The following DNAH7 variants were observed in gnomAD, a reference collection of about 807,000 sequenced individuals.
DNAH7 encodes axonemal beta dynein heavy chain 7.
Under a neutral mutation model 444.6 loss-of-function variants are expected in DNAH7, and 397 were observed. The observed-to-expected ratio is 0.89, with a 90% confidence interval of 0.82 to 0.97. The LOEUF is 0.97. Among genes scored for constraint, DNAH7 ranks in the 50% least tolerant of loss-of-function variants. The pLI is 0.00. For missense variants in DNAH7, 4,902 were observed against 4,800.8 expected, an observed-to-expected ratio of 1.02 and a Z score of -0.62; for synonymous variants, 1,636 against 1,624.4, an observed-to-expected ratio of 1.01 and a Z score of -0.17.
chr2:195,966,789 C>T (rs1411752068), intron 17 of DNAH7, among the ~76,000 whole-genome samples: 1 of 152,102 alleles, frequency 6.6e-6, no homozygotes, highest in Admixed American at 6.5e-5. Context: ...TTCCCATTGG[C>T]ATGGAATATA....
chr2:195,972,349 T>A lies in DNAH7; in HGVS notation c.1951A>T (p.Arg651Trp). The A allele has an allele frequency of 1.9e-6, 3 of 1,614,136 alleles. No individual in the cohort carries two copies. Among genetic ancestry groups the A allele is most frequent in the Non-Finnish European group, 2.5e-6 (3 of 1,180,014 alleles). Reference protein sequence around the residue: ...EYVNFSPADMRLNNSVFQWYG... With the variant: ...EYVNFSPADMWLNNSVFQWYG... ...CACTGGAAAACACTATTATTTAGCC[T>A]CATGTCTGCTGGAGAAAAGTTGACA... is the stretch of plus-strand genomic sequence containing the variant. The change falls in exon 16 of 65, where the codon AGG (arginine) becomes TGG (tryptophan). Residue 651 changes from arginine to tryptophan, a missense_variant. Arg to Trp is a moderately radical substitution (Grantham distance 101). Transcript: ENST00000312428.
intron 42 of DNAH7, 34 bp downstream of exon 42, chr2:195,861,683 T>A: frequency 6.7e-7 from 1 of 1,488,950 alleles, no homozygotes; most frequent in Non-Finnish European, 9.3e-7. Flanking sequence ...TTAATTGCCA[T>A]AGCTTACTTA....
intron 19 of DNAH7, 135 bp from the exon 20 acceptor site, chr2:195,936,927 T>A: frequency 1.3e-6 from 1 of 741,916 alleles, no homozygotes; most frequent in Non-Finnish European, 2.0e-6. Context: ...ATTTGTTTTT[T>A]AAAAGTAGTC....
chr2:196,012,278 C>T (rs947371728), intron 10 of DNAH7, among the ~76,000 whole-genome samples: 1 of 152,102 alleles, frequency 6.6e-6, no homozygotes, highest in Non-Finnish European at 1.5e-5. Context: ...TCATATGTGG[C>T]TATTCCATTC....
At chr2:195,847,954 G>A (rs183988884) in intron 46 of DNAH7, among the ~76,000 whole-genome samples, 2 of 152,160 alleles carry the variant, frequency 1.3e-5, no homozygotes, top group Non-Finnish European at 2.9e-5. Flanking sequence ...GCCAAGGTTC[G>A]TGTTCAGAAA....
chr2:195,796,808 A>C, intron 55 of DNAH7, 71 bp from the exon 56 acceptor site: 2 of 1,493,620 alleles, frequency 1.3e-6, no homozygotes, highest in Non-Finnish European at 1.8e-6. Context: ...TTTTTTTAAA[A>C]GTTAACATTG....
chr2:195,749,644 A>C (rs369184067), intron 63 of DNAH7, among the ~76,000 whole-genome samples: 1 of 151,438 alleles, frequency 6.6e-6, no homozygotes, highest in Non-Finnish European at 1.5e-5. Flanking sequence ...ATGGAATACT[A>C]TGCAGCCATA....
chr2:195,957,246 G>A lies in DNAH7; in HGVS notation c.3078+15C>T, dbSNP rs748414316. 3.4e-6 allele frequency: 5 copies of A among 1,472,994 alleles called. No homozygotes were observed. The South Asian group carries it at 4.3e-5, about 13-fold the overall frequency. 91.2% of individuals were successfully genotyped at this position (1,472,994 alleles called of 1,614,324 possible). On this transcript the variant is annotated intron_variant, in intron 19 of 64. Coordinates refer to ENST00000312428, the MANE Select transcript of DNAH7 (RefSeq NM_018897.3). ...TCAACCAAATAATGACATTTTTGGAGATTTTTTCACCTACCTGCATGACAC... is the reference window on the plus strand; with the variant it reads ...TCAACCAAATAATGACATTTTTGGAAATTTTTTCACCTACCTGCATGACAC...
intron 47 of DNAH7, among the ~76,000 whole-genome samples, chr2:195,843,013 A>G (rs1405487623): frequency 1.3e-5 from 2 of 152,228 alleles, no homozygotes; most frequent in Non-Finnish European, 2.9e-5. Flanking sequence ...GAGCTTGAGA[A>G]GAGCCAAAGC....
chr2:195,924,083 C>T (rs1688187586), intron 22 of DNAH7, among the ~76,000 whole-genome samples: 1 of 152,060 alleles, frequency 6.6e-6, no homozygotes. Context: ...TTGGAGCTGT[C>T]AATCATATTG....
chr2:196,021,952 C>T (rs1575042454), intron 8 of DNAH7, among the ~76,000 whole-genome samples: 2 of 152,196 alleles, frequency 1.3e-5, no homozygotes, highest in Admixed American at 1.3e-4. Context: ...CATGGTTAAA[C>T]CCTGTCTCTA....
At chr2:195,982,640 G>C (rs1048914239) in intron 15 of DNAH7, among the ~76,000 whole-genome samples, 1 of 152,172 alleles carries the variant, frequency 6.6e-6, no homozygotes, top group Non-Finnish European at 1.5e-5. Context: ...GTACTATTCA[G>C]TTATAAAAAA....
chr2:195,921,317 C>T (rs1378884202), intron 24 of DNAH7, among the ~76,000 whole-genome samples: 1 of 150,522 alleles, frequency 6.6e-6, no homozygotes, highest in Admixed American at 6.7e-5. Context: ...GCCCAAATGC[C>T]CATCAGTCAA....
intron 7 of DNAH7, among the ~76,000 whole-genome samples, chr2:196,025,088 A>T (rs1206762617): frequency 1.3e-5 from 2 of 152,230 alleles, no homozygotes; most frequent in African/African-American, 4.8e-5. Context: ...GAGGATGTAC[A>T]TAGGTTATAT....
At chr2:195,825,613 T>C (rs1360722136) in intron 48 of DNAH7, among the ~76,000 whole-genome samples, 2 of 152,244 alleles carry the variant, frequency 1.3e-5, no homozygotes, top group African/African-American at 2.4e-5. Context: ...TTTCCTCTGA[T>C]AGCATTCTAG....
intron 25 of DNAH7, among the ~76,000 whole-genome samples, chr2:195,908,480 C>T (rs1687170189): frequency 6.6e-6 from 1 of 152,146 alleles, no homozygotes; most frequent in East Asian, 1.9e-4. Flanking sequence ...CTCTCTACAG[C>T]CATGTGTACA....
intron 12 of DNAH7, among the ~76,000 whole-genome samples, chr2:195,991,309 C>T (rs1693323263): frequency 6.8e-6 from 1 of 146,754 alleles, no homozygotes; most frequent in Non-Finnish European, 1.5e-5. Context: ...ACCCAACTTT[C>T]TCTGCAAGGA....
At chr2:195,788,317 A>G (rs1157250265) in intron 57 of DNAH7, among the ~76,000 whole-genome samples, 1 of 152,218 alleles carries the variant, frequency 6.6e-6, no homozygotes, top group Non-Finnish European at 1.5e-5. Context: ...TCTTCCCCCA[A>G]GGGCAGGAAG....
chr2:195,856,699 C>G (rs764375589), intron 44 of DNAH7, among the ~76,000 whole-genome samples: 1 of 152,164 alleles, frequency 6.6e-6, no homozygotes, highest in Non-Finnish European at 1.5e-5. Context: ...CCTTATTTCA[C>G]AAGAATACAT....
Sources: allele counts gnomAD v4.1 joint callset (sites outside exome capture counted in the v4.1 genomes callset), GRCh38; gene constraint gnomAD v4.1.1; transcripts MANE v1.5; gene names NCBI Gene and HGNC (gene_info 2026-07-23, HGNC 2026-07-21).